Variants in KCNH5 observed in about 807,000 individuals in gnomAD.
KCNH5 encodes the protein voltage-gated delayed rectifier potassium channel KCNH5.
A neutral mutation model predicts 96.1 loss-of-function variants in KCNH5; 46 were observed. The ratio of observed to expected loss-of-function variants is 0.48; its 90% CI spans 0.38 to 0.61. The LOEUF is 0.61. Ranked by LOEUF, KCNH5 falls within the 20% of genes least tolerant of loss-of-function variation. KCNH5 has a pLI of 0.00. For synonymous variants in KCNH5, 439 were observed against 449.8 expected (o/e 0.98, Z 0.30); for missense variants, 907 against 1,225.8 (o/e 0.74, Z 3.88).
At position 63,045,447 on chromosome 14, in the gene KCNH5, C is replaced by T. The variant is rs928579421; in HGVS notation, c.-261G>A. On this transcript the variant is annotated 5_prime_UTR_variant, in exon 1 of 11. Coordinates refer to ENST00000322893, the MANE Select transcript of KCNH5 (RefSeq NM_139318.5). ...GACTGTGGCGGTGCCGCACACGGGG[C>T]TCGGGAACTGCAGGCTCCGCGGGGC... 165 of 508,894 alleles carry T rather than the reference C, an allele frequency of 3.2e-4. No individual in the cohort carries two copies. Among genetic ancestry groups the T allele is most frequent in the Non-Finnish European group, 1.4e-4 (40 of 281,230 alleles). The allele number at this position is 508,894 out of a possible 1,614,324, so 31.5% of individuals were successfully genotyped here.
intron 7 of KCNH5, among the ~76,000 whole-genome samples, chr14:62,911,406 G>C (rs1889151820): frequency 6.6e-6 from 1 of 151,330 alleles, no homozygotes; most frequent in Admixed American, 6.6e-5. Context: ...AGCCTCCCGA[G>C]TAGCTGGGAA....
intron 9 of KCNH5, among the ~76,000 whole-genome samples, chr14:62,780,876 CAG>C (rs1275607667): frequency 2.0e-5 from 3 of 152,052 alleles, no homozygotes; most frequent in Admixed American, 6.5e-5. Context: ...GTGAAAAAGA[CAG>C]GGGGAATATA....
At position 62,700,934 on chromosome 14, in the gene KCNH5, C is replaced by T. The variant is rs951864162; in HGVS notation, c.*6574G>A. The T allele has an allele frequency of 2.6e-5, 4 of 152,124 alleles. No homozygotes were observed. Among genetic ancestry groups the T allele is most frequent in the African/African-American group, 9.7e-5 (4 of 41,440 alleles). The allele number at this position is 152,124 out of a possible 1,614,324, so 9.4% of individuals were successfully genotyped here. On this transcript the variant is annotated 3_prime_UTR_variant, in exon 11 of 11. Transcript: ENST00000322893. ...AGCTTTGGATAGAGGGAAGTGGTTA[C>T]ATTTTATATTATGAAATATGATTTA...
At chr14:62,897,599 T>C (rs895763133) in intron 7 of KCNH5, among the ~76,000 whole-genome samples, 2 of 152,126 alleles carry the variant, frequency 1.3e-5, no homozygotes, top group African/African-American at 4.8e-5. Context: ...ATGGCCCTGT[T>C]TGACCCAGAA....
intron 6 of KCNH5, among the ~76,000 whole-genome samples, chr14:62,971,482 AT>A (rs1365355877): frequency 6.6e-6 from 1 of 152,136 alleles, no homozygotes; most frequent in Non-Finnish European, 1.5e-5. Context: ...CTAGCAGGTT[AT>A]TTTGTTGATA....
chr14:62,700,085 T>A lies in KCNH5; in HGVS notation c.*7423A>T, dbSNP rs769611800. Reference sequence around the variant, plus strand: ...TGCAAAATTAATTCCCATAGTAACATTAGTGTTATAGTAGAATTTACATTG... The same window carrying A: ...TGCAAAATTAATTCCCATAGTAACAATAGTGTTATAGTAGAATTTACATTG... On this transcript the variant is annotated 3_prime_UTR_variant, in exon 11 of 11. Transcript: ENST00000322893. 3.9e-5 allele frequency: 6 copies of A among 152,144 alleles called. No homozygotes were observed. The highest frequency in any genetic ancestry group is 8.8e-5 in the Non-Finnish European group (6 of 68,012). The allele number at this position is 152,144 out of a possible 1,614,324, so 9.4% of individuals were successfully genotyped here.
chr14:62,716,055 T>C (rs1043820944), intron 10 of KCNH5, among the ~76,000 whole-genome samples: 1 of 152,212 alleles, frequency 6.6e-6, no homozygotes, highest in Admixed American at 6.5e-5. Context: ...CTTCAGGCTA[T>C]CATAAACATG....
chr14:62,811,126 C>A (rs1595633198), intron 8 of KCNH5, among the ~76,000 whole-genome samples: 1 of 152,074 alleles, frequency 6.6e-6, no homozygotes, highest in East Asian at 1.9e-4. Context: ...TTTTCAAATT[C>A]TTTATGATAT....
intron 7 of KCNH5, among the ~76,000 whole-genome samples, chr14:62,883,298 T>C (rs549305965): frequency 6.6e-6 from 1 of 152,200 alleles, no homozygotes; most frequent in South Asian, 2.1e-4. Context: ...AATTTAGCAG[T>C]CCTGTTTGGA....
intron 7 of KCNH5, among the ~76,000 whole-genome samples, chr14:62,881,942 C>T (rs1181964296): frequency 1.3e-5 from 2 of 151,840 alleles, no homozygotes; most frequent in Non-Finnish European, 2.9e-5. Context: ...TTATTTTAAA[C>T]ATTTAACAAT....
intron 1 of KCNH5, among the ~76,000 whole-genome samples, chr14:63,024,918 C>A (rs1258328495): frequency 2.0e-5 from 3 of 151,968 alleles, no homozygotes; most frequent in African/African-American, 7.2e-5. Context: ...TGATACCAGA[C>A]AAGGAAGCTA....
chr14:63,007,366 T>C (rs1309990815), intron 2 of KCNH5, among the ~76,000 whole-genome samples: 1 of 152,192 alleles, frequency 6.6e-6, no homozygotes, highest in African/African-American at 2.4e-5. Flanking sequence ...ATAGAAAAGA[T>C]GCTCTCTTTA....
Position 62,779,755 on chromosome 14 carries a change from G to A in KCNH5, c.1992C>T (p.Leu664=), listed in dbSNP as rs201733636. ...TAFANSFSRN[L]TLTCNLRKRI... ...GTTTCCTCAGATTGCAAGTAAGAGT[G>A]AGATTCCTTGAGAAGGAGTTTGCAA... The change falls in exon 10 of 11, where the codon CTC becomes CTT. Residue 664 remains leucine (L), a synonymous_variant. Coordinates refer to ENST00000322893, the MANE Select transcript of KCNH5 (RefSeq NM_139318.5). 2.0e-5 allele frequency: 32 copies of A among 1,613,734 alleles called. No individual in the cohort carries two copies. Among genetic ancestry groups the A allele is most frequent in the African/African-American group, 2.7e-5 (2 of 74,906 alleles).
chr14:62,921,927 A>G (rs1466047359), intron 7 of KCNH5, among the ~76,000 whole-genome samples: 1 of 152,106 alleles, frequency 6.6e-6, no homozygotes. Flanking sequence ...GAGAATAGTA[A>G]CAATAATTTT....
chr14:62,756,839 T>G (rs560231255), intron 10 of KCNH5, among the ~76,000 whole-genome samples: 1 of 152,340 alleles, frequency 6.6e-6, no homozygotes, highest in South Asian at 2.1e-4. Context: ...CCTTAACTTA[T>G]GAATGTACTG....
At chr14:62,892,837 A>T (rs975132014) in intron 7 of KCNH5, among the ~76,000 whole-genome samples, 7 of 152,188 alleles carry the variant, frequency 4.6e-5, no homozygotes, top group Admixed American at 4.6e-4. Context: ...TTTTAAGCCT[A>T]TTGTTGAGAC....
chr14:62,834,968 T>C (rs974780094), intron 8 of KCNH5, among the ~76,000 whole-genome samples: 1 of 152,020 alleles, frequency 6.6e-6, no homozygotes, highest in African/African-American at 2.4e-5. Context: ...AAAAATTTTC[T>C]GATCCCTCAT....
At chr14:63,034,601 T>C (rs1594685907) in intron 1 of KCNH5, among the ~76,000 whole-genome samples, 1 of 152,240 alleles carries the variant, frequency 6.6e-6, no homozygotes, top group East Asian at 1.9e-4. Flanking sequence ...TGTAGGAGTT[T>C]GAAATATGCA....
chr14:63,021,251 T>C (rs1891420747), intron 1 of KCNH5, among the ~76,000 whole-genome samples: 1 of 152,042 alleles, frequency 6.6e-6, no homozygotes, highest in Non-Finnish European at 1.5e-5. Context: ...TCATTCTTCA[T>C]CCAGATCAAC....
Sources: gnomAD v4.1 joint callset for allele counts (sites outside exome capture counted in the v4.1 genomes callset) on GRCh38, gnomAD v4.1.1 for gene constraint, MANE v1.5 for transcripts, NCBI Gene and HGNC (gene_info 2026-07-23, HGNC 2026-07-21) for gene names.